Variants in BORCS7 observed in about 807,000 individuals in gnomAD.
BORCS7 encodes BLOC-1-related complex subunit 7.
In BORCS7, 20 loss-of-function variants were observed where a neutral mutation model predicts 17.5. That is an observed-to-expected ratio of 1.14 (90% CI 0.80 to 1.66). The LOEUF is 1.66. BORCS7 is among the 40% of genes most tolerant of loss of function. BORCS7 has a pLI of 0.00. For synonymous variants in BORCS7, 57 were observed against 49.8 expected, an observed-to-expected ratio of 1.14 and a Z score of -0.61; for missense variants, 122 against 129.7, an observed-to-expected ratio of 0.94 and a Z score of 0.29.
chr10:102,854,611 T>C (rs1844394865), intron 1 of BORCS7, 184 bp downstream of exon 1: 3 of 629,256 alleles, frequency 4.8e-6, no homozygotes, highest in East Asian at 3.3e-5. Context: ...TTAGGGACAG[T>C]GTGTGAGGGT....
chr10:102,860,216 G>T, intron 1 of BORCS7, 116 bp from the exon 2 acceptor site: 1 of 792,464 alleles, frequency 1.3e-6, no homozygotes, highest in Non-Finnish European at 2.1e-6. Context: ...AGTGTTTGTG[G>T]TTGTATAGGG....
Position 102,863,755 on chromosome 10 carries a change from T to C in BORCS7, c.*831T>C, listed in dbSNP as rs1458016960. 1 of 152,236 alleles carries C rather than the reference T, an allele frequency of 6.6e-6. No homozygotes were observed. Among genetic ancestry groups the C allele is most frequent in the Non-Finnish European group, 1.5e-5 (1 of 68,046 alleles). 9.4% of individuals were successfully genotyped at this position (152,236 alleles called of 1,614,324 possible). A position where few individuals can be genotyped will look rare whatever the true frequency, so the allele number is the denominator to read the frequency against. The stretch of plus-strand genomic sequence containing the variant: ...TAACTCAGAGGAGATACGTGTTTTA[T>C]TTGTGATAGCAAATTCCTAAATGAA... On this transcript the variant is annotated 3_prime_UTR_variant, in exon 5 of 5. Transcript: ENST00000339834.
intron 1 of BORCS7, among the ~76,000 whole-genome samples, chr10:102,855,896 G>A (rs1844419414): frequency 6.6e-6 from 1 of 152,052 alleles, no homozygotes; most frequent in Admixed American, 6.5e-5. Flanking sequence ...TGAGTAGCTG[G>A]GATTATAGGC....
chr10:102,854,330 A>G lies in BORCS7; in HGVS notation c.44A>G (p.Gln15Arg), dbSNP rs1384199263. 6 of 1,600,526 alleles carry G rather than the reference A, an allele frequency of 3.7e-6. No homozygotes were observed. Among genetic ancestry groups the G allele is most frequent in the Non-Finnish European group, 5.1e-6 (6 of 1,173,658 alleles). Residue 15 changes from glutamine to arginine, a missense_variant, in exon 1 of 5, where the codon CAG (glutamine) becomes CGG (arginine). Transcript: ENST00000339834. ...GTPESQARFG[Q>R]SVKGLLTEKV... ...CCAGAGTCTCAAGCGCGGTTCGGTCAGTCCGTGAAGGGGCTTCTCACGGAG... is the reference window on the plus strand; with the variant it reads ...CCAGAGTCTCAAGCGCGGTTCGGTCGGTCCGTGAAGGGGCTTCTCACGGAG...
chr10:102,861,234 G>A (rs1050379955), intron 3 of BORCS7, among the ~76,000 whole-genome samples: 1 of 151,990 alleles, frequency 6.6e-6, no homozygotes, highest in Admixed American at 6.6e-5. Flanking sequence ...GGCCAACATG[G>A]TGAAACCCCG....
chr10:102,860,448 G>A, intron 2 of BORCS7, 50 bp from the exon 3 acceptor site: 1 of 1,609,228 alleles, frequency 6.2e-7, no homozygotes, highest in Non-Finnish European at 8.5e-7. Context: ...TGGTTTGTGT[G>A]GCCACAGGGA....
chr10:102,860,479 C>G lies in BORCS7; in HGVS notation c.205-19C>G, dbSNP rs112306133. 1.5e-5 allele frequency: 24 copies of G among 1,611,700 alleles called. 1 individual carries two copies. The African/African-American group carries it at 1.6e-4, about 11-fold the overall frequency. On this transcript the variant is annotated intron_variant, in intron 2 of 4. Coordinates refer to ENST00000339834, the MANE Select transcript of BORCS7 (RefSeq NM_001136200.2). The stretch of plus-strand genomic sequence containing the variant: ...AGGGAAGTGGAAATGTTCTATTTCT[C>G]TCTCTCTTTTTTATGCAGAGTTTAA...
Sources: gnomAD v4.1 joint callset for allele counts (sites outside exome capture counted in the v4.1 genomes callset) on GRCh38, gnomAD v4.1.1 for gene constraint, MANE v1.5 for transcripts, NCBI Gene and HGNC (gene_info 2026-07-23, HGNC 2026-07-21) for gene names.